SUCLG2: variants seen among roughly 807,000 people sequenced by gnomAD.
SUCLG2 encodes the protein succinate-CoA ligase GDP-forming subunit beta.
In SUCLG2, 42 loss-of-function variants were observed where a neutral mutation model predicts 47.9. The ratio of observed to expected loss-of-function variants is 0.88; its 90% CI spans 0.69 to 1.14. SUCLG2 has a LOEUF of 1.14. Among genes scored for constraint, SUCLG2 ranks in the 50% most tolerant of loss-of-function variants. The pLI, the probability that SUCLG2 is intolerant of heterozygous loss-of-function variation, is 0.00. For missense variants in SUCLG2, 571 were observed against 525.9 expected, an observed-to-expected ratio of 1.09 and a Z score of -0.84; for synonymous variants, 195 against 197.3, an observed-to-expected ratio of 0.99 and a Z score of 0.10.
chr3:67,426,742 A>G (rs1703309712), intron 9 of SUCLG2, among the ~76,000 whole-genome samples: 1 of 152,188 alleles, frequency 6.6e-6, no homozygotes, highest in Admixed American at 6.5e-5. Context: ...ATCCTGGCCA[A>G]CATGGTGAAA....
At chr3:67,563,756 G>A (rs566863963) in intron 2 of SUCLG2, among the ~76,000 whole-genome samples, 1 of 152,058 alleles carries the variant, frequency 6.6e-6, no homozygotes, top group Non-Finnish European at 1.5e-5. Context: ...TCAGGAGATC[G>A]AGACCATCCT....
intron 9 of SUCLG2, among the ~76,000 whole-genome samples, chr3:67,443,978 C>A (rs1450416186): frequency 2.5e-5 from 3 of 118,292 alleles, no homozygotes; most frequent in Admixed American, 8.6e-5. Context: ...GTCAGCCCCC[C>A]GCCCGGCCAG....
chr3:67,390,723 C>A (rs1702361385), intron 10 of SUCLG2, among the ~76,000 whole-genome samples: 1 of 151,926 alleles, frequency 6.6e-6, no homozygotes, highest in Admixed American at 6.6e-5. Flanking sequence ...TAACTTGGCC[C>A]AACCCATGAA....
chr3:67,564,932 A>C (rs1480307790), intron 2 of SUCLG2, among the ~76,000 whole-genome samples: 2 of 152,138 alleles, frequency 1.3e-5, no homozygotes, highest in African/African-American at 4.8e-5. Flanking sequence ...TCTGGTGAAA[A>C]TAAAATGTAC....
chr3:67,374,656 C>T, downstream of SUCLG2: 1 of 663,708 alleles, frequency 1.5e-6, no homozygotes, highest in Non-Finnish European at 1.9e-6. Flanking sequence ...AGACTAGTGT[C>T]TTTGTAAAAA....
chr3:67,514,050 G>T, intron 6 of SUCLG2: 2 of 356,414 alleles, frequency 5.6e-6, no homozygotes, highest in South Asian at 4.8e-5. Flanking sequence ...CCGAGCGGTT[G>T]GCCATAAGAG....
At chr3:67,647,553 C>T (rs1701213655) in intron 1 of SUCLG2, among the ~76,000 whole-genome samples, 1 of 152,238 alleles carries the variant, frequency 6.6e-6, no homozygotes, top group African/African-American at 2.4e-5. Context: ...GTCCAGTTGG[C>T]CGTTGGTTCA....
chr3:67,372,607 TGTG>T (rs916525797), downstream of SUCLG2, among the ~76,000 whole-genome samples: 7 of 152,304 alleles, frequency 4.6e-5, no homozygotes, highest in African/African-American at 1.4e-4. Flanking sequence ...AGACAGTCCT[TGTG>T]GTGATGGAAA....
rs1441670196 is a variant in SUCLG2, at chr3:67,397,867, A to T, written c.1183+2864T>A. ...ACAGAGCCCTCAGAAATAACACCGCATATCTACAACTATCTGATCTTTGAC... is the reference window on the plus strand; with the variant it reads ...ACAGAGCCCTCAGAAATAACACCGCTTATCTACAACTATCTGATCTTTGAC... On this transcript the variant is annotated intron_variant, in intron 10 of 10. Transcript: ENST00000307227. Among the ~76,000 whole-genome samples, 15 of 152,046 alleles carry T rather than the reference A, an allele frequency of 9.9e-5. No homozygotes were observed. In the South Asian group the frequency reaches 3.1e-3, roughly 32 times the overall value.
intron 1 of SUCLG2, among the ~76,000 whole-genome samples, chr3:67,618,200 T>A (rs1269627796): frequency 6.6e-6 from 1 of 152,084 alleles, no homozygotes. Context: ...GGTGGGTAGA[T>A]CACAAGGTCA....
chr3:67,557,330 A>C (rs1347755891), intron 2 of SUCLG2, among the ~76,000 whole-genome samples: 2 of 152,298 alleles, frequency 1.3e-5, no homozygotes, highest in African/African-American at 4.8e-5. Context: ...TTTCTAATGA[A>C]GAGAATAACC....
chr3:67,461,890 C>A (rs1704346703), intron 9 of SUCLG2, among the ~76,000 whole-genome samples: 1 of 151,936 alleles, frequency 6.6e-6, no homozygotes, highest in Admixed American at 6.6e-5. Flanking sequence ...AGAGGAAGAA[C>A]ATTCTGGGAG....
chr3:67,635,920 T>C (rs1701002076), intron 1 of SUCLG2, among the ~76,000 whole-genome samples: 1 of 152,200 alleles, frequency 6.6e-6, no homozygotes, highest in Non-Finnish European at 1.5e-5. Flanking sequence ...ACTTGTTTTA[T>C]ATTTTCTCCA....
chr3:67,593,107 A>G (rs924009498), intron 2 of SUCLG2, among the ~76,000 whole-genome samples: 3 of 152,178 alleles, frequency 2.0e-5, no homozygotes, highest in African/African-American at 7.2e-5. Context: ...CATTTATTCC[A>G]TCGATTTCTT....
intron 2 of SUCLG2, among the ~76,000 whole-genome samples, chr3:67,580,168 A>T (rs1707844591): frequency 6.6e-6 from 1 of 152,176 alleles, no homozygotes; most frequent in Non-Finnish European, 1.5e-5. Context: ...TAAAGAATAC[A>T]ACGTAAAAAT....
intron 2 of SUCLG2, among the ~76,000 whole-genome samples, chr3:67,539,352 G>A (rs549215414): frequency 2.1e-4 from 32 of 152,288 alleles, no homozygotes; most frequent in Admixed American, 6.5e-4. Context: ...TTTATGTGAT[G>A]GATTATGTTA....
intron 1 of SUCLG2, among the ~76,000 whole-genome samples, chr3:67,610,866 G>T (rs191645348): frequency 6.6e-6 from 1 of 152,122 alleles, no homozygotes; most frequent in African/African-American, 2.4e-5. Context: ...TGTATTCATG[G>T]AGCTCTTTTG....
intron 2 of SUCLG2, among the ~76,000 whole-genome samples, chr3:67,562,595 T>G (rs1387597341): frequency 6.6e-6 from 1 of 152,206 alleles, no homozygotes; most frequent in African/African-American, 2.4e-5. Context: ...TAGATTTTAT[T>G]TGGCAAAACA....
At chr3:67,515,418 G>C (rs1705918324) in intron 6 of SUCLG2, among the ~76,000 whole-genome samples, 1 of 152,122 alleles carries the variant, frequency 6.6e-6, no homozygotes, top group African/African-American at 2.4e-5. Context: ...AGAGACTTTG[G>C]TTGGGAACAA....
Sources: allele counts gnomAD v4.1 joint callset (sites outside exome capture counted in the v4.1 genomes callset), GRCh38; gene constraint gnomAD v4.1.1; transcripts MANE v1.5; gene names NCBI Gene and HGNC (gene_info 2026-07-23, HGNC 2026-07-21).